PCDH15: variants seen among roughly 807,000 people sequenced by gnomAD.
The protein encoded by PCDH15 is protocadherin-15.
PCDH15 carries 129 observed loss-of-function variants against 178.5 expected under a neutral mutation model. The observed-to-expected ratio is 0.72, with a 90% confidence interval of 0.63 to 0.84. PCDH15 has a LOEUF of 0.84. Among genes scored for constraint, PCDH15 ranks in the 40% least tolerant of loss-of-function variants. The probability of loss-of-function intolerance (pLI) is 0.00; values close to 1 mark genes in which losing one functional copy is unlikely to be tolerated. For synonymous variants in PCDH15, 800 were observed against 732.0 expected (o/e 1.09, Z -1.50); for missense variants, 2,230 against 2,099.9 (o/e 1.06, Z -1.21).
intron 2 of PCDH15, among the ~76,000 whole-genome samples, chr10:55,542,132 T>C (rs1841773731): frequency 6.7e-6 from 1 of 148,470 alleles, no homozygotes; most frequent in Non-Finnish European, 1.5e-5. Flanking sequence ...GAAATCAGTA[T>C]TATATATATA....
At chr10:53,821,800 T>A in intron 32 of PCDH15, 2 of 1,602,300 alleles carry the variant, frequency 1.2e-6, no homozygotes, top group Non-Finnish European at 1.7e-6. Flanking sequence ...AATTTGATGT[T>A]CAACTTGAAG....
Position 54,195,858 on chromosome 10 carries a change from G to A in PCDH15, c.1130C>T (p.Ala377Val). The change falls in exon 11 of 38, where the codon GCC becomes GTC. Residue 377 changes from alanine (A) to valine (V), a missense_variant. Ala to Val is a moderately conservative substitution (Grantham distance 64). Transcript: ENST00000644397. The part of the protein sequence containing the change: ...AEQDNGHPLP[A>V]FAGLHIEILD... ...TATTTCAATGTGTAGACCGGCAAAG[G>A]CAGGAAGAGGATGACCATTGTCTTG... 1 of 1,613,664 alleles carries A rather than the reference G, an allele frequency of 6.2e-7. No homozygotes were observed. Among genetic ancestry groups the A allele is most frequent in the Non-Finnish European group, 8.5e-7 (1 of 1,179,794 alleles).
intron 3 of PCDH15, among the ~76,000 whole-genome samples, chr10:54,475,110 T>C (rs1021086249): frequency 9.9e-5 from 15 of 151,916 alleles, no homozygotes; most frequent in Admixed American, 9.9e-4. Context: ...TATCATACAT[T>C]TTTCCAAGTA....
At chr10:55,310,973 T>C (rs921580679) in intron 1 of PCDH15, among the ~76,000 whole-genome samples, 6 of 152,190 alleles carry the variant, frequency 3.9e-5, no homozygotes, top group African/African-American at 1.4e-4. Flanking sequence ...TGTATACCTA[T>C]GTAACAAAAC....
chr10:54,958,583 T>C (rs1029413020), intron 2 of PCDH15, among the ~76,000 whole-genome samples: 8 of 151,748 alleles, frequency 5.3e-5, no homozygotes, highest in African/African-American at 1.7e-4. Context: ...AGATTAGAAA[T>C]GGAATCTAAA....
intron 2 of PCDH15, among the ~76,000 whole-genome samples, chr10:54,540,803 A>G (rs2132958522): frequency 1.3e-5 from 2 of 152,300 alleles, no homozygotes; most frequent in Middle Eastern, 3.4e-3. Flanking sequence ...AAAAAACTTA[A>G]TCTACCATTA....
At position 53,911,343 on chromosome 10, in the gene PCDH15, C is replaced by T. The variant is rs142981397; in HGVS notation, c.3374-7973G>A. On this transcript the variant is annotated intron_variant, in intron 25 of 37. Transcript: ENST00000644397. ...CATAACTACATGGAAACTGAACAAC[C>T]TGCTCCTGAACGACTACTGGGTAAA... Among the ~76,000 whole-genome samples the T allele has an allele frequency of 1.1e-3, 166 of 152,268 alleles. 2 individuals are homozygous for T. Among genetic ancestry groups the T allele is most frequent in the Admixed American group, 5.1e-3 (78 of 15,296 alleles).
chr10:55,233,005 GT>G (rs752583812), intron 1 of PCDH15, among the ~76,000 whole-genome samples: 8 of 152,170 alleles, frequency 5.3e-5, no homozygotes, highest in African/African-American at 7.2e-5. Context: ...AAACCACTAT[GT>G]TTTGGGACAG....
At chr10:55,452,885 A>G (rs1839466744) in intron 2 of PCDH15, among the ~76,000 whole-genome samples, 2 of 152,216 alleles carry the variant, frequency 1.3e-5, no homozygotes, top group East Asian at 1.9e-4. Flanking sequence ...TTCAAAGAGT[A>G]TATACTATTT....
chr10:55,435,399 G>A (rs1283463792), intron 2 of PCDH15, among the ~76,000 whole-genome samples: 1 of 152,064 alleles, frequency 6.6e-6, no homozygotes, highest in African/African-American at 2.4e-5. Context: ...TTTAAAATTA[G>A]CAAATAGTTA....
At chr10:55,132,499 A>G (rs567960149) in intron 2 of PCDH15, among the ~76,000 whole-genome samples, 1 of 152,314 alleles carries the variant, frequency 6.6e-6, no homozygotes, top group African/African-American at 2.4e-5. Context: ...AGATAGCACT[A>G]AAGTAAGTTC....
At chr10:53,859,941 C>A (rs894759919) in intron 27 of PCDH15, among the ~76,000 whole-genome samples, 5 of 152,096 alleles carry the variant, frequency 3.3e-5, no homozygotes, top group Non-Finnish European at 7.4e-5. Flanking sequence ...ATCTCCTGCT[C>A]CCGGGATGGG....
At chr10:54,400,243 A>C (rs1951766472) in intron 3 of PCDH15, among the ~76,000 whole-genome samples, 1 of 152,150 alleles carries the variant, frequency 6.6e-6, no homozygotes. Context: ...AATGTCCAAT[A>C]AAAGCCAGTG....
intron 3 of PCDH15, among the ~76,000 whole-genome samples, chr10:54,463,709 A>T (rs143746916): frequency 6.6e-6 from 1 of 152,108 alleles, no homozygotes; most frequent in Non-Finnish European, 1.5e-5. Flanking sequence ...TTGACTTTGT[A>T]TTCCCAGAGC....
At chr10:54,844,332 A>G (rs1275670420) in intron 3 of PCDH15, among the ~76,000 whole-genome samples, 1 of 152,046 alleles carries the variant, frequency 6.6e-6, no homozygotes, top group African/African-American at 2.4e-5. Flanking sequence ...TTTTGAGGAG[A>G]TGCTAGAACT....
intron 8 of PCDH15, among the ~76,000 whole-genome samples, chr10:54,255,569 C>A (rs560435545): frequency 6.6e-6 from 1 of 152,210 alleles, no homozygotes; most frequent in African/African-American, 2.4e-5. Context: ...TAGCAAGGTA[C>A]CAATGATAAG....
intron 5 of PCDH15, among the ~76,000 whole-genome samples, chr10:54,366,683 T>C (rs113476477): frequency 2.3e-4 from 35 of 151,402 alleles, no homozygotes; most frequent in African/African-American, 8.2e-4. Context: ...TTCTATTTTT[T>C]TTTTGATGCT....
chr10:54,535,437 G>C (rs2084373962), intron 2 of PCDH15, among the ~76,000 whole-genome samples: 1 of 152,144 alleles, frequency 6.6e-6, no homozygotes, highest in African/African-American at 2.4e-5. Context: ...TTGGCCGGAT[G>C]CGGTGGCTCA....
chr10:54,171,084 G>A (rs938341403), intron 13 of PCDH15, among the ~76,000 whole-genome samples: 3 of 152,010 alleles, frequency 2.0e-5, no homozygotes, highest in Non-Finnish European at 4.4e-5. Flanking sequence ...GTCTGAGAAG[G>A]CCACCGCAGG....
Sources: allele counts gnomAD v4.1 joint callset (sites outside exome capture counted in the v4.1 genomes callset), GRCh38; gene constraint gnomAD v4.1.1; transcripts MANE v1.5; gene names NCBI Gene and HGNC (gene_info 2026-07-23, HGNC 2026-07-21).